Variants in CD33 observed in about 807,000 individuals in gnomAD.
CD33 encodes myeloid cell surface antigen CD33.
Under a neutral mutation model 31.4 loss-of-function variants are expected in CD33, and 25 were observed. That is an observed-to-expected ratio of 0.80 (90% confidence interval 0.58 to 1.11). The LOEUF (loss-of-function observed/expected upper bound fraction) is 1.11, where lower values mean the gene tolerates loss of function less well. Among genes scored for constraint, CD33 ranks in the 50% most tolerant of loss-of-function variants. The pLI, the probability that CD33 is intolerant of heterozygous loss-of-function variation, is 0.00. For synonymous variants in CD33, 176 were observed against 180.6 expected, an observed-to-expected ratio of 0.97 and a Z score of 0.20; for missense variants, 407 against 448.1, an observed-to-expected ratio of 0.91 and a Z score of 0.83.
intron 4 of CD33, among the ~76,000 whole-genome samples, chr19:51,229,834 G>A (rs538549692): frequency 4.6e-5 from 7 of 151,530 alleles, no homozygotes; most frequent in African/African-American, 7.3e-5. Context: ...TCCAAAAAGC[G>A]AACTTGTTCA....
chr19:51,236,732 C>T (rs955451915), intron 6 of CD33: 1 of 152,504 alleles, frequency 6.6e-6, no homozygotes, highest in Non-Finnish European at 1.5e-5. Context: ...CCTCCTGTCC[C>T]AGTCCTCCAT....
the CD33 span, among the ~76,000 whole-genome samples, chr19:51,216,027 G>A: frequency 2.0e-5 from 3 of 152,206 alleles, no homozygotes; most frequent in Non-Finnish European, 4.4e-5. Flanking sequence ...GGCCTTGCAC[G>A]TTCTATCCTC....
upstream of CD33, among the ~76,000 whole-genome samples, chr19:51,223,915 T>A (rs1460628699): frequency 6.6e-6 from 1 of 152,066 alleles, no homozygotes; most frequent in Non-Finnish European, 1.5e-5. Flanking sequence ...GTGTGTGTGG[T>A]GAGGACATGA....
chr19:51,224,823 G>A (rs562403395), upstream of CD33, among the ~76,000 whole-genome samples: 1 of 152,252 alleles, frequency 6.6e-6, no homozygotes, highest in Non-Finnish European at 1.5e-5. Context: ...GGGTTCGCAT[G>A]TCTCAGATGG....
the CD33 span, among the ~76,000 whole-genome samples, chr19:51,219,578 A>C: frequency 6.6e-6 from 1 of 152,192 alleles, no homozygotes; most frequent in Non-Finnish European, 1.5e-5. Flanking sequence ...AGCAATGAAG[A>C]GAGTGATCAT....
At chr19:51,229,296 C>T (rs1324490471) in intron 4 of CD33, among the ~76,000 whole-genome samples, 1 of 152,072 alleles carries the variant, frequency 6.6e-6, no homozygotes, top group Non-Finnish European at 1.5e-5. Context: ...TGATTTGCTA[C>T]TATTTTGTTG....
At chr19:51,221,752 A>C (rs1980697402), upstream of CD33, among the ~76,000 whole-genome samples, 1 of 152,216 alleles carries the variant, frequency 6.6e-6, no homozygotes, top group East Asian at 1.9e-4. Context: ...AAACAATCTG[A>C]ATGCTCCTCA....
intron 4 of CD33, among the ~76,000 whole-genome samples, chr19:51,227,315 T>C (rs1981105513): frequency 6.6e-6 from 1 of 152,208 alleles, no homozygotes; most frequent in African/African-American, 2.4e-5. Flanking sequence ...ATAGTGGTTA[T>C]ACTAGTTTAC....
At chr19:51,214,386 C>T in the CD33 span, among the ~76,000 whole-genome samples, 4 of 150,814 alleles carry the variant, frequency 2.7e-5, no homozygotes, top group Non-Finnish European at 4.4e-5. Flanking sequence ...TTAGTAGAGA[C>T]AGGGTTTCAC....
rs200244561 is a variant in CD33 at position 51,225,495 on chromosome 19, C to T, written c.315C>T (p.Ile105=). 1.4e-4 allele frequency: 223 copies of T among 1,613,406 alleles called. No homozygotes were observed. The highest frequency in any genetic ancestry group is 1.7e-4 in the Non-Finnish European group (206 of 1,179,588). The change falls in exon 2 of 7, where the codon ATC becomes ATT. Residue 105 remains isoleucine, a synonymous_variant. Transcript: ENST00000262262. ...GTAGGAACAACTGCTCCCTGAGCAT[C>T]GTAGACGCCAGGAGGAGGGATAATG... ...DPSRNNCSLS[I]VDARRRDNGS...
At chr19:51,218,452 A>C in the CD33 span, among the ~76,000 whole-genome samples, 14 of 152,240 alleles carry the variant, frequency 9.2e-5, no homozygotes, top group South Asian at 2.9e-3. Flanking sequence ...ACAGTTTGCA[A>C]ATATTTTCTT....
chr19:51,223,746 A>C (rs1436510569), upstream of CD33, among the ~76,000 whole-genome samples: 2 of 152,194 alleles, frequency 1.3e-5, no homozygotes, highest in Non-Finnish European at 2.9e-5. Context: ...AAGATGCTGC[A>C]TGGTTCTTGT....
In CD33 at chr19:51,225,110, T is replaced by G. The variant is rs928519338; in HGVS notation, c.-9T>G. On this transcript the variant is annotated 5_prime_UTR_variant, in exon 1 of 7. Transcript: ENST00000262262. ...CACACAGGAAGCCCTGGAAGCTGCT[T>G]CCTCAGACATGCCGCTGCTGCTACT... The G allele has an allele frequency of 9.9e-6, 16 of 1,613,530 alleles. No homozygotes were observed. Among genetic ancestry groups the G allele is most frequent in the African/African-American group, 4.0e-5 (3 of 74,762 alleles).
At position 51,226,028 on chromosome 19, in the gene CD33, A is replaced by G. The variant is rs1339229809; in HGVS notation, c.644A>G (p.Lys215Arg). The G allele has an allele frequency of 6.2e-7, 1 of 1,614,056 alleles. No individual in the cohort carries two copies. Among genetic ancestry groups the G allele is most frequent in the Non-Finnish European group, 8.5e-7 (1 of 1,179,978 alleles). The change falls in exon 3 of 7, where the codon AAG (lysine) becomes AGG (arginine). Residue 215 changes from lysine to arginine, a missense_variant. Lys to Arg is a conservative substitution (Grantham distance 26, BLOSUM62 2). Coordinates refer to ENST00000262262, the MANE Select transcript of CD33 (RefSeq NM_001772.4). ...GGCACCAACCTGACCTGTCAGGTGAAGTTCGCTGGAGCTGGTGTGACTACG... is the reference window on the plus strand; with the variant it reads ...GGCACCAACCTGACCTGTCAGGTGAGGTTCGCTGGAGCTGGTGTGACTACG... ...DHGTNLTCQV[K>R]FAGAGVTTER...
intron 4 of CD33, among the ~76,000 whole-genome samples, chr19:51,230,610 A>C (rs898615770): frequency 9.9e-5 from 15 of 152,202 alleles, no homozygotes; most frequent in Non-Finnish European, 1.8e-4. Flanking sequence ...TAATAATATA[A>C]TGTCCTTCTT....
chr19:51,235,520 C>A lies in CD33; in HGVS notation c.843-75C>A, dbSNP rs1981721730. 2.0e-6 allele frequency: 3 copies of A among 1,519,446 alleles called. No homozygotes were observed. The Admixed American group carries it at 6.5e-5, about 33-fold the overall frequency. The allele number at this position is 1,519,446 out of a possible 1,614,324, so 94.1% of individuals were successfully genotyped here. A position where few individuals can be genotyped will look rare whatever the true frequency, so the allele number is the denominator to read the frequency against. ...ATCCCACCCTTTACCTGCCAAAGTCCCTCATTCCAGGCTCATAACAATGGC... is the reference window on the plus strand; with the variant it reads ...ATCCCACCCTTTACCTGCCAAAGTCACTCATTCCAGGCTCATAACAATGGC... On this transcript the variant is annotated intron_variant, in intron 5 of 6. Transcript: ENST00000262262.
At chr19:51,226,204 C>A in intron 3 of CD33, 105 bp from the exon 4 acceptor site, 1 of 1,492,104 alleles carries the variant, frequency 6.7e-7, no homozygotes, top group Non-Finnish European at 9.3e-7. Flanking sequence ...GACATGAGCC[C>A]TGTCCCTTCT....
chr19:51,229,203 T>G (rs568404586), intron 4 of CD33, among the ~76,000 whole-genome samples: 1 of 152,266 alleles, frequency 6.6e-6, no homozygotes, highest in African/African-American at 2.4e-5. Context: ...TTTATTGATT[T>G]GCATATGTTG....
intron 4 of CD33, among the ~76,000 whole-genome samples, chr19:51,232,826 A>G (rs1232193475): frequency 6.6e-6 from 1 of 152,230 alleles, no homozygotes; most frequent in Non-Finnish European, 1.5e-5. Flanking sequence ...CAGGTGCCCA[A>G]CTACTTGGCT....
Sources: allele counts gnomAD v4.1 joint callset (sites outside exome capture counted in the v4.1 genomes callset), GRCh38; gene constraint gnomAD v4.1.1; transcripts MANE v1.5; gene names NCBI Gene and HGNC (gene_info 2026-07-23, HGNC 2026-07-21).